Variants in HSCB observed in about 807,000 individuals in gnomAD.
HSCB encodes the protein iron-sulfur cluster co-chaperone protein HscB.
A neutral mutation model predicts 31.3 loss-of-function variants in HSCB; 23 were observed. That is an observed-to-expected ratio of 0.74 (90% CI 0.53 to 1.04). HSCB has a LOEUF of 1.04. Ranked by LOEUF, HSCB falls within the 50% of genes least tolerant of loss-of-function variation. The pLI is 0.00. For missense variants in HSCB, 297 were observed against 288.1 expected, an observed-to-expected ratio of 1.03 and a Z score of -0.22; for synonymous variants, 110 against 104.5, an observed-to-expected ratio of 1.05 and a Z score of -0.32.
chr22:28,751,963 G>C (rs1277030847), intron 5 of HSCB, among the ~76,000 whole-genome samples: 1 of 151,312 alleles, frequency 6.6e-6, no homozygotes, highest in Admixed American at 6.6e-5. Context: ...GGTGGCATGT[G>C]CCTACAGTCC....
At chr22:28,751,828 G>T (rs906072364) in intron 5 of HSCB, among the ~76,000 whole-genome samples, 1 of 151,964 alleles carries the variant, frequency 6.6e-6, no homozygotes, top group South Asian at 2.1e-4. Flanking sequence ...AGTGACTCAC[G>T]CCTGTTATCC....
At chr22:28,742,668 A>C (rs1003491508) in intron 1 of HSCB, 4 of 380,966 alleles carry the variant, frequency 1.0e-5, no homozygotes, top group Non-Finnish European at 1.9e-5. Flanking sequence ...GAGGGGCGGA[A>C]CTTGAGGAAA....
Position 28,743,929 on chromosome 22 carries a change from A to G in HSCB, c.284A>G (p.Gln95Arg), listed in dbSNP as rs773024133. ...ACAGCGAAGCTCCAGCACAGGTACCAGCAACTGCAGCGTCTTGTCCACCCA... is the reference window on the plus strand; with the variant it reads ...ACAGCGAAGCTCCAGCACAGGTACCGGCAACTGCAGCGTCTTGTCCACCCA... ...VDTAKLQHRYQQLQRLVHPDF... is the reference protein window; with the variant it reads ...VDTAKLQHRYRQLQRLVHPDF... The change falls in exon 2 of 6, where the codon CAG becomes CGG. Residue 95 changes from glutamine to arginine, a missense_variant. By Grantham distance (43) the Gln-to-Arg change is conservative. Transcript: ENST00000216027. The G allele has an allele frequency of 6.2e-7, 1 of 1,614,220 alleles. No individual in the cohort carries two copies.
intron 5 of HSCB, among the ~76,000 whole-genome samples, chr22:28,751,635 A>G (rs2146219674): frequency 6.6e-6 from 1 of 152,084 alleles, no homozygotes; most frequent in East Asian, 1.9e-4. Flanking sequence ...AGTCCCAGCT[A>G]CTTGGGAGGC....
chr22:28,748,502 G>GTT (rs541782468), intron 4 of HSCB, among the ~76,000 whole-genome samples: 1 of 148,436 alleles, frequency 6.7e-6, no homozygotes, highest in African/African-American at 2.5e-5. Context: ...AAACCCAAGC[G>GTT]TTTTTTTTTG....
chr22:28,755,453 C>T (rs73399604), intron 5 of HSCB, among the ~76,000 whole-genome samples: 2,586 of 152,048 alleles, frequency 0.017, 75 homozygotes, highest in African/African-American at 0.06. Flanking sequence ...AAATGAAATA[C>T]GACCAAGGCC....
Position 28,750,945 on chromosome 22 carries a change from C to CTTTT in HSCB, c.569-275_569-272dup, listed in dbSNP as rs758451182. The stretch of plus-strand genomic sequence containing the variant: ...GGAGATAATCAAAGTATATCTTTGT[C>CTTTT]TTTTTTTTTTTTTTTTTTTTTTTTA... On this transcript the variant is annotated intron_variant, in intron 4 of 5. Transcript: ENST00000216027. 2.1e-3 allele frequency among the ~76,000 whole-genome samples: 117 copies of CTTTT among 56,402 alleles called. 9 individuals carry two copies. Among genetic ancestry groups the CTTTT allele is most frequent in the South Asian group, 5.5e-3 (5 of 904 alleles). 37.0% of individuals were successfully genotyped at this position (56,402 alleles called of 152,430 possible).
intron 4 of HSCB, among the ~76,000 whole-genome samples, chr22:28,750,275 A>G (rs1012063987): frequency 1.4e-5 from 2 of 138,840 alleles, no homozygotes; most frequent in African/African-American, 5.3e-5. Context: ...AAAAAAAAAA[A>G]ACACTTATTC....
At chr22:28,744,113 C>CTG (rs2146206970) in intron 2 of HSCB, 135 bp downstream of exon 2, 1 of 730,516 alleles carries the variant, frequency 1.4e-6, no homozygotes, top group Non-Finnish European at 2.4e-6. Flanking sequence ...TGACCCCAGC[C>CTG]TGTCAGACCC....
intron 2 of HSCB, among the ~76,000 whole-genome samples, chr22:28,744,317 C>T (rs1006298124): frequency 6.6e-6 from 1 of 152,104 alleles, no homozygotes; most frequent in East Asian, 1.9e-4. Flanking sequence ...TTTGGGAGGC[C>T]GAGGCAGGCA....
At chr22:28,744,289 C>T (rs902067933) in intron 2 of HSCB, among the ~76,000 whole-genome samples, 10 of 152,236 alleles carry the variant, frequency 6.6e-5, no homozygotes, top group African/African-American at 2.4e-4. Flanking sequence ...CAGTGACTCA[C>T]GCCTGTAATC....
chr22:28,746,226 C>G (rs2054685811), intron 4 of HSCB, among the ~76,000 whole-genome samples: 1 of 151,372 alleles, frequency 6.6e-6, no homozygotes, highest in Non-Finnish European at 1.5e-5. Context: ...ACTGAAAATA[C>G]AAAAATTAGC....
chr22:28,751,752 A>C lies in HSCB; in HGVS notation c.616+464A>C, dbSNP rs562889066. ...CAGAGCGAGACTCCATCTCAAAAAAAAAAAAAAAATCAACATTTCTGCCTT... is the reference window on the plus strand; with the variant it reads ...CAGAGCGAGACTCCATCTCAAAAAACAAAAAAAAATCAACATTTCTGCCTT... On this transcript the variant is annotated intron_variant, in intron 5 of 5. Transcript: ENST00000216027. Among the ~76,000 whole-genome samples, 27 of 151,958 alleles carry C rather than the reference A, an allele frequency of 1.8e-4. No homozygotes were observed. In the South Asian group the frequency reaches 5.6e-3, roughly 32 times the overall value.
chr22:28,742,363 GGCGAGAGACACGTCGAGGTCTGGCCT>G, intron 1 of HSCB, 32 bp downstream of exon 1: 1 of 1,605,612 alleles, frequency 6.2e-7, no homozygotes, highest in South Asian at 1.1e-5. Flanking sequence ...AACGGGCCCG[GGCGAGAGACACGTCGAGGTCTGGCCT>G]GCGAGAGGGG....
chr22:28,747,884 A>C (rs1053739103), intron 4 of HSCB, among the ~76,000 whole-genome samples: 1 of 147,922 alleles, frequency 6.8e-6, no homozygotes, highest in African/African-American at 2.5e-5. Context: ...TTTCCCCCCC[A>C]AAAAAATCTG....
In HSCB at chr22:28,744,671, C is replaced by G; in HGVS notation, c.390C>G (p.Thr130=). 1 of 1,613,950 alleles carries G rather than the reference C, an allele frequency of 6.2e-7. No individual in the cohort carries two copies. Residue 130 remains threonine, a synonymous_variant, in exon 3 of 6, where the codon ACC becomes ACG. Transcript: ENST00000216027. ...HSTLVNDAYK[T]LLAPLSRGLY... ...CCCTGGTGAATGATGCCTATAAGAC[C>G]CTCCTGGCCCCCCTGAGCAGAGGAC...
chr22:28,754,361 T>G (rs920503915), intron 5 of HSCB, among the ~76,000 whole-genome samples: 1 of 151,972 alleles, frequency 6.6e-6, no homozygotes, highest in African/African-American at 2.4e-5. Context: ...AGCTTCAGTT[T>G]TGCAAGATGA....
At chr22:28,744,197 A>G (rs2054644284) in intron 2 of HSCB, among the ~76,000 whole-genome samples, 4 of 152,278 alleles carry the variant, frequency 2.6e-5, no homozygotes, top group African/African-American at 9.6e-5. Context: ...ATATAAAGAC[A>G]CCTCATCCCA....
chr22:28,742,110 A>T lies in HSCB; in HGVS notation c.15A>T (p.Arg5Ser), dbSNP rs753435464. The T allele has an allele frequency of 2.3e-5, 36 of 1,588,062 alleles. No homozygotes were observed. Among genetic ancestry groups the T allele is most frequent in the Non-Finnish European group, 2.8e-5 (33 of 1,168,206 alleles). The change falls in exon 1 of 6, where the codon AGA becomes AGT. Residue 5 changes from arginine to serine, a missense_variant. Arg to Ser is a moderately radical substitution (Grantham distance 110, BLOSUM62 -1). Transcript: ENST00000216027. ...CCGCCGGCCAGATGTGGCGGGGGAGAGCCGGGGCTTTGCTCCGGGTGTGGG... is the reference window on the plus strand; with the variant it reads ...CCGCCGGCCAGATGTGGCGGGGGAGTGCCGGGGCTTTGCTCCGGGTGTGGG... MWRG[R>S]AGALLRVWGF...
Sources: allele counts gnomAD v4.1 joint callset (sites outside exome capture counted in the v4.1 genomes callset), GRCh38; gene constraint gnomAD v4.1.1; transcripts MANE v1.5; gene names NCBI Gene and HGNC (gene_info 2026-07-23, HGNC 2026-07-21).